The following EPB41L4A variants were observed in gnomAD, a reference collection of about 807,000 sequenced individuals.
EPB41L4A encodes band 4.1-like protein 4A.
In EPB41L4A, 100 loss-of-function variants were observed where a neutral mutation model predicts 108.6. The observed-to-expected ratio is 0.92, with a 90% CI of 0.78 to 1.09. The LOEUF (loss-of-function observed/expected upper bound fraction) is 1.09. EPB41L4A is among the 50% of genes least tolerant of loss of function. The pLI is 0.00. For synonymous variants in EPB41L4A, 319 were observed against 289.0 expected (o/e 1.10, Z -1.05); for missense variants, 1,030 against 842.7 (o/e 1.22, Z -2.75).
intron 1 of EPB41L4A, among the ~76,000 whole-genome samples, chr5:112,328,964 T>C (rs967679078): frequency 6.6e-6 from 1 of 152,220 alleles, no homozygotes; most frequent in Non-Finnish European, 1.5e-5. Flanking sequence ...TTAACCAAAA[T>C]GTACAGTGAA....
chr5:112,246,014 G>A (rs753206065), intron 9 of EPB41L4A, among the ~76,000 whole-genome samples: 18 of 152,182 alleles, frequency 1.2e-4, no homozygotes, highest in Non-Finnish European at 2.6e-4. Flanking sequence ...AATTAGAGGT[G>A]AGGAAGAAAA....
Position 112,283,244 on chromosome 5 carries a change from G to A in EPB41L4A, c.205-2921C>T, listed in dbSNP as rs150669939. On this transcript the variant is annotated intron_variant, in intron 2 of 22. Transcript: ENST00000261486. ...CTATGCTAAGCATCACCCTAGAGCC[G>A]GCCACACACAAATCTCATTTGATCA... Among the ~76,000 whole-genome samples, 876 of 152,170 alleles carry A rather than the reference G, an allele frequency of 5.8e-3. 2 individuals carry two copies. Among genetic ancestry groups the A allele is most frequent in the Middle Eastern group, 0.014 (4 of 294 alleles).
intron 9 of EPB41L4A, among the ~76,000 whole-genome samples, chr5:112,243,730 A>G (rs889768451): frequency 5.3e-5 from 8 of 152,128 alleles, no homozygotes; most frequent in African/African-American, 1.9e-4. Flanking sequence ...CCTTCAACCT[A>G]ATGAACCAAC....
chr5:112,173,339 G>T (rs555527390), intron 18 of EPB41L4A, among the ~76,000 whole-genome samples: 1 of 152,022 alleles, frequency 6.6e-6, no homozygotes, highest in Non-Finnish European at 1.5e-5. Flanking sequence ...GAGTGGCCAG[G>T]AGGACATACA....
chr5:112,379,907 TG>T (rs1760054940), intron 1 of EPB41L4A, among the ~76,000 whole-genome samples: 1 of 152,224 alleles, frequency 6.6e-6, no homozygotes, highest in African/African-American at 2.4e-5. Flanking sequence ...AGCCACCTTT[TG>T]CTCAAAGCAC....
intron 1 of EPB41L4A, among the ~76,000 whole-genome samples, chr5:112,405,646 G>C (rs1524424): frequency 0.14 from 21,594 of 152,122 alleles, 4,264 homozygotes; most frequent in African/African-American, 0.44. Context: ...TCTTGAAACA[G>C]AGCCAGCCAC....
intron 1 of EPB41L4A, among the ~76,000 whole-genome samples, chr5:112,395,724 G>C (rs543903803): frequency 6.6e-6 from 1 of 152,172 alleles, no homozygotes; most frequent in Non-Finnish European, 1.5e-5. Context: ...AATACCATTT[G>C]ACCCAGTGAT....
chr5:112,346,212 T>C (rs866419108), intron 1 of EPB41L4A, among the ~76,000 whole-genome samples: 1 of 137,126 alleles, frequency 7.3e-6, no homozygotes, highest in Non-Finnish European at 1.5e-5. Context: ...GTTAGGTACA[T>C]TGCATTTTTT....
chr5:112,322,726 A>ACT (rs1755882334), intron 1 of EPB41L4A, among the ~76,000 whole-genome samples: 1 of 149,836 alleles, frequency 6.7e-6, no homozygotes, highest in Admixed American at 6.7e-5. Context: ...ACACACACAC[A>ACT]CTCACACACA....
Position 112,170,992 on chromosome 5 carries a change from C to T in EPB41L4A, c.1623G>A (p.Ser541=). The stretch of plus-strand genomic sequence containing the variant: ...CTTTTGCTTGGATATCGGGGCTTCT[C>T]CTATAAATAGAGAAAACAACATTCA... ...NNRRSRHRSR[S]RSPDIQAKEE... The change falls in exon 19 of 23, where the codon TCG becomes TCA. Residue 541 remains serine, a splice_region_variant and synonymous_variant. Transcript: ENST00000261486. 1.2e-6 allele frequency: 2 copies of T among 1,612,962 alleles called. No individual in the cohort carries two copies. The highest frequency in any genetic ancestry group is 1.7e-6 in the Non-Finnish European group (2 of 1,178,992).
At chr5:112,334,287 C>A (rs1453262258) in intron 1 of EPB41L4A, among the ~76,000 whole-genome samples, 1 of 152,122 alleles carries the variant, frequency 6.6e-6, no homozygotes, top group Non-Finnish European at 1.5e-5. Flanking sequence ...ATTTCTTTGA[C>A]ATATTTTGAA....
intron 1 of EPB41L4A, among the ~76,000 whole-genome samples, chr5:112,309,286 G>A (rs186004508): frequency 1.1e-4 from 17 of 152,250 alleles, no homozygotes; most frequent in African/African-American, 3.1e-4. Context: ...AGATTTTGAT[G>A]TATGTAGTTT....
At chr5:112,178,937 C>T (rs772933619) in intron 18 of EPB41L4A, among the ~76,000 whole-genome samples, 31 of 150,736 alleles carry the variant, frequency 2.1e-4, no homozygotes, top group Non-Finnish European at 3.7e-4. Flanking sequence ...GAAAAAGCAA[C>T]AAAATCTAAA....
At chr5:112,222,353 G>A (rs1748127185) in intron 12 of EPB41L4A, among the ~76,000 whole-genome samples, 3 of 152,118 alleles carry the variant, frequency 2.0e-5, no homozygotes, top group Admixed American at 6.5e-5. Flanking sequence ...CTGGCTTTGC[G>A]CTTACTGCCT....
chr5:112,144,010 G>T (rs1759160663), intron 13 of EPB41L4A: 2 of 317,656 alleles, frequency 6.3e-6, no homozygotes, highest in Non-Finnish European at 1.3e-5. Flanking sequence ...CTGGATCTTT[G>T]GACTTGAAGC....
intron 12 of EPB41L4A, among the ~76,000 whole-genome samples, chr5:112,152,861 A>G (rs1262282677): frequency 6.6e-6 from 1 of 150,834 alleles, no homozygotes; most frequent in African/African-American, 2.5e-5. Flanking sequence ...ATTAATGGAA[A>G]TTTAATTATC....
chr5:112,329,824 AG>A (rs1756435530), intron 1 of EPB41L4A, among the ~76,000 whole-genome samples: 1 of 151,850 alleles, frequency 6.6e-6, no homozygotes, highest in South Asian at 2.1e-4. Context: ...AGTTGAAGGT[AG>A]CAAGCCATTC....
intron 18 of EPB41L4A, among the ~76,000 whole-genome samples, chr5:112,174,330 C>A (rs1760754725): frequency 6.6e-6 from 1 of 152,208 alleles, no homozygotes; most frequent in Admixed American, 6.5e-5. Flanking sequence ...TTCCAGCAGT[C>A]ATTTTTCTTA....
At chr5:112,367,157 C>T (rs954573068) in intron 1 of EPB41L4A, among the ~76,000 whole-genome samples, 9 of 152,136 alleles carry the variant, frequency 5.9e-5, no homozygotes, top group African/African-American at 1.2e-4. Context: ...TTTCAACAGC[C>T]GGACCAATCT....
Sources: gnomAD v4.1 joint callset for allele counts (sites outside exome capture counted in the v4.1 genomes callset) on GRCh38, gnomAD v4.1.1 for gene constraint, MANE v1.5 for transcripts, NCBI Gene and HGNC (gene_info 2026-07-23, HGNC 2026-07-21) for gene names.